Variants in SRCIN1 observed in about 807,000 individuals in gnomAD.
The protein encoded by SRCIN1 is P130Cas-associated protein.
A neutral mutation model predicts 116.2 loss-of-function variants in SRCIN1; 50 were observed. That is an observed-to-expected ratio of 0.43 (90% CI 0.34 to 0.54). The LOEUF is 0.54. Ranked by LOEUF, SRCIN1 falls within the 20% of genes least tolerant of loss-of-function variation. The pLI is 0.02. For synonymous variants in SRCIN1, 736 were observed against 750.0 expected (o/e 0.98, Z 0.30); for missense variants, 1,446 against 1,672.0 (o/e 0.86, Z 2.36).
intron 3 of SRCIN1, among the ~76,000 whole-genome samples, chr17:38,566,556 C>T (rs970199298): frequency 2.0e-5 from 3 of 152,180 alleles, no homozygotes; most frequent in Admixed American, 6.5e-5. Flanking sequence ...CCAGAGTGTT[C>T]CAGGGAGCAG....
At chr17:38,600,709 C>T (rs1908973287) in intron 1 of SRCIN1, among the ~76,000 whole-genome samples, 2 of 152,236 alleles carry the variant, frequency 1.3e-5, no homozygotes, top group African/African-American at 2.4e-5. Context: ...CAGTATCAGG[C>T]CTCCGTGGGG....
chr17:38,605,639 C>T (rs1909316557), intron 1 of SRCIN1, 45 bp downstream of exon 1: 2 of 1,375,292 alleles, frequency 1.5e-6, no homozygotes, highest in East Asian at 3.5e-5. Context: ...ATACCTTCCA[C>T]TTAAGCATGG....
chr17:38,605,358 A>T (rs1909300576), intron 1 of SRCIN1, among the ~76,000 whole-genome samples: 1 of 95,250 alleles, frequency 1.0e-5, no homozygotes, highest in Non-Finnish European at 2.1e-5. Context: ...TCCCCCTTCC[A>T]CACAAGCCCC....
chr17:38,554,045 T>C (rs945684333), intron 11 of SRCIN1, among the ~76,000 whole-genome samples: 2 of 152,166 alleles, frequency 1.3e-5, no homozygotes, highest in Non-Finnish European at 2.9e-5. Flanking sequence ...ACCCTGTCTT[T>C]ACTAAATATA....
At chr17:38,588,598 T>TC (rs1270969429) in intron 1 of SRCIN1, among the ~76,000 whole-genome samples, 1 of 152,112 alleles carries the variant, frequency 6.6e-6, no homozygotes, top group Non-Finnish European at 1.5e-5. Flanking sequence ...GGGCGTCTTC[T>TC]CCCCAGGGGG....
At chr17:38,591,586 G>C (rs1400881074) in intron 1 of SRCIN1, among the ~76,000 whole-genome samples, 1 of 152,146 alleles carries the variant, frequency 6.6e-6, no homozygotes, top group African/African-American at 2.4e-5. Context: ...ACATGTGCCA[G>C]GAAAAACAAA....
chr17:38,580,648 T>C (rs1001673183), intron 1 of SRCIN1, among the ~76,000 whole-genome samples: 10 of 152,158 alleles, frequency 6.6e-5, no homozygotes, highest in East Asian at 1.9e-4. Flanking sequence ...TGAGTGAACA[T>C]TGACAGCACC....
At chr17:38,590,587 T>C (rs1908387725) in intron 1 of SRCIN1, among the ~76,000 whole-genome samples, 1 of 152,202 alleles carries the variant, frequency 6.6e-6, no homozygotes, top group South Asian at 2.1e-4. Flanking sequence ...CTCAAAGGGC[T>C]CGTGCAGCCA....
intron 18 of SRCIN1, among the ~76,000 whole-genome samples, chr17:38,533,922 AG>A (rs1302936198): frequency 7.9e-5 from 12 of 151,864 alleles, no homozygotes; most frequent in Middle Eastern, 3.4e-3. Flanking sequence ...GCAACAGAGG[AG>A]GGGGCTTATC....
At chr17:38,559,036 TC>T (rs1402864329) in intron 10 of SRCIN1, 3 of 164,670 alleles carry the variant, frequency 1.8e-5, no homozygotes, top group African/African-American at 7.2e-5. Flanking sequence ...CTCTGCCCCC[TC>T]CCCAGCCTGT....
In SRCIN1 at chr17:38,563,339, C is replaced by T; in HGVS notation, c.724G>A (p.Glu242Lys). 1 of 1,574,176 alleles carries T rather than the reference C, an allele frequency of 6.4e-7. No homozygotes were observed. Among genetic ancestry groups the T allele is most frequent in the Non-Finnish European group, 8.6e-7 (1 of 1,159,186 alleles). The stretch of plus-strand genomic sequence containing the variant: ...CACGCCCACCGGACGTCCTCCAGCT[C>T]GTAGAAGACGTTGCGAGCCTCGTCT... ...IKDEARNVFY[E>K]LEDVRDIQDR... Residue 242 changes from glutamate (E) to lysine (K), a missense_variant, in exon 5 of 19, where the codon GAG becomes AAG. Glu to Lys is a moderately conservative substitution (Grantham distance 56). Transcript: ENST00000617146. This position sits in a 1 kb window ranked among gnomAD's most constrained non-coding sequence, Gnocchi z 5.8.
chr17:38,597,562 T>C (rs1908788643), intron 1 of SRCIN1, among the ~76,000 whole-genome samples: 2 of 152,248 alleles, frequency 1.3e-5, no homozygotes, highest in Non-Finnish European at 2.9e-5. Context: ...CCAGTGTTAA[T>C]GCTCTTGATC....
chr17:38,564,344 A>G (rs1032638117), intron 3 of SRCIN1, 31 bp from the exon 4 acceptor site: 2 of 1,485,364 alleles, frequency 1.3e-6, no homozygotes, highest in Non-Finnish European at 1.8e-6. Context: ...GAGAGGAACC[A>G]AGGATGAGCA....
chr17:38,546,828 G>A (rs1905105028), intron 17 of SRCIN1: 1 of 153,422 alleles, frequency 6.5e-6, no homozygotes, highest in Non-Finnish European at 1.4e-5. Flanking sequence ...CAGAAATCAG[G>A]TGGCCACCAG....
chr17:38,600,376 T>C (rs1488787015), intron 1 of SRCIN1, among the ~76,000 whole-genome samples: 1 of 151,790 alleles, frequency 6.6e-6, no homozygotes, highest in Admixed American at 6.6e-5. Context: ...AGGACTAGGG[T>C]GGCAGGCTCT....
At chr17:38,560,247 G>GA in intron 8 of SRCIN1, 86 bp downstream of exon 8, 1 of 1,458,902 alleles carries the variant, frequency 6.9e-7, no homozygotes, top group Non-Finnish European at 9.3e-7. Flanking sequence ...GTCACCCAGT[G>GA]AGACACTGGC....
intron 1 of SRCIN1, among the ~76,000 whole-genome samples, chr17:38,589,253 C>G (rs1908313180): frequency 6.6e-6 from 1 of 152,218 alleles, no homozygotes; most frequent in Non-Finnish European, 1.5e-5. Context: ...GTATTCATGA[C>G]AGTCTACATG....
intron 17 of SRCIN1, among the ~76,000 whole-genome samples, chr17:38,548,246 T>C (rs1202242019): frequency 6.6e-6 from 1 of 152,008 alleles, no homozygotes. Context: ...GATGGGGATC[T>C]CCAAACTCGG....
chr17:38,557,216 C>T (rs575089339), intron 11 of SRCIN1, among the ~76,000 whole-genome samples: 3 of 152,360 alleles, frequency 2.0e-5, no homozygotes, highest in Non-Finnish European at 4.4e-5. Flanking sequence ...TCAAGGAGCC[C>T]GTCGCAAGAG....
Sources: gnomAD v4.1 joint callset for allele counts (sites outside exome capture counted in the v4.1 genomes callset) on GRCh38, gnomAD v4.1.1 for gene constraint, Gnocchi (gnomAD v3.1) non-coding constraint, MANE v1.5 for transcripts, NCBI Gene and HGNC (gene_info 2026-07-23, HGNC 2026-07-21) for gene names.